SYT7: variants seen among roughly 807,000 people sequenced by gnomAD.
The protein encoded by SYT7 is synaptotagmin-7.
SYT7 carries 29 observed loss-of-function variants against 75.1 expected under a neutral mutation model. The ratio of observed to expected loss-of-function variants is 0.39; its 90% CI spans 0.29 to 0.53. The LOEUF is 0.53. Among genes scored for constraint, SYT7 ranks in the 20% least tolerant of loss-of-function variants. The pLI is 0.77. For synonymous variants in SYT7, 376 were observed against 401.7 expected (o/e 0.94, Z 0.76); for missense variants, 693 against 953.2 (o/e 0.73, Z 3.59).
intron 8 of SYT7, 83 bp from the exon 9 acceptor site, chr11:61,528,268 G>C: frequency 1.3e-6 from 2 of 1,516,018 alleles, no homozygotes; most frequent in South Asian, 1.2e-5. Flanking sequence ...ACGGGTGAGA[G>C]GCCAGAGGCG....
At position 61,524,808 on chromosome 11, in the gene SYT7, T is replaced by C. The variant is rs981781100; in HGVS notation, c.1472-276A>G. 1.8e-5 allele frequency: 6 copies of C among 333,086 alleles called. No individual in the cohort carries two copies. Among genetic ancestry groups the C allele is most frequent in the Middle Eastern group, 8.5e-4 (1 of 1,182 alleles). 20.6% of individuals were successfully genotyped at this position (333,086 alleles called of 1,614,324 possible). On this transcript the variant is annotated intron_variant, in intron 9 of 12. Coordinates refer to ENST00000539008, the MANE Select transcript of SYT7 (RefSeq NM_001365809.2). The surrounding 1 kb of genome is among the most constrained non-coding windows in gnomAD (Gnocchi z 4.1). ...GACGGCTTAAAGTACTTGCCCAGAC[T>C]CCCAGCTAGTAAAGAGTAGAACTGC... is the stretch of plus-strand genomic sequence containing the variant.
At position 61,523,155 on chromosome 11, in the gene SYT7, T is replaced by C. The variant is rs762542794; in HGVS notation, c.1876A>G (p.Thr626Ala). 1 of 1,614,184 alleles carries C rather than the reference T, an allele frequency of 6.2e-7. No homozygotes were observed. The highest frequency in any genetic ancestry group is 1.1e-5 in the South Asian group (1 of 91,080). Residue 626 changes from threonine to alanine, a missense_variant, in exon 12 of 13, where the codon ACG becomes GCG. Around this residue, in one of 2 missense-constraint regions of SYT7, gnomAD observed 206 missense variants for 360.0 expected, o/e 0.57. Coordinates refer to ENST00000539008, the MANE Select transcript of SYT7 (RefSeq NM_001365809.2). This position sits in a 1 kb window ranked among gnomAD's most constrained non-coding sequence, Gnocchi z 5.0. Reference protein sequence around the residue: ...FNESFAFDIPTEKLRETTIII... With the variant: ...FNESFAFDIPAEKLRETTIII... The stretch of plus-strand genomic sequence containing the variant: ...ATGGTCGTCTCCCTCAGCTTCTCCG[T>C]GGGGATATCGAAGGCGAAGGACTCA...
At chr11:61,588,348 A>G in the SYT7 span, 1 of 152,250 alleles carries the variant, frequency 6.6e-6, no homozygotes. Context: ...TAATAGTCAC[A>G]GAAGTCCCGT....
At chr11:61,537,137 CTTGCAGGCCT>C (rs1365323638) in intron 7 of SYT7, among the ~76,000 whole-genome samples, 1 of 152,208 alleles carries the variant, frequency 6.6e-6, no homozygotes, top group Admixed American at 6.5e-5. Flanking sequence ...CCCATGCTCC[CTTGCAGGCCT>C]TTGGTCTGAT....
intron 9 of SYT7, among the ~76,000 whole-genome samples, chr11:61,527,419 C>T (rs760996745): frequency 2.6e-5 from 4 of 152,206 alleles, no homozygotes; most frequent in Non-Finnish European, 4.4e-5. Flanking sequence ...GAGTAAGTGG[C>T]AAGAGCTGGG....
Position 61,518,425 on chromosome 11 carries a change from T to C in SYT7, c.*202A>G, listed in dbSNP as rs1396179844. 1.2e-5 allele frequency: 5 copies of C among 413,572 alleles called. No homozygotes were observed. The highest frequency in any genetic ancestry group is 6.1e-4 in the Middle Eastern group (1 of 1,642). 25.6% of individuals were successfully genotyped at this position (413,572 alleles called of 1,614,324 possible). A position where few individuals can be genotyped will look rare whatever the true frequency, so the allele number is the denominator to read the frequency against. On this transcript the variant is annotated 3_prime_UTR_variant, in exon 13 of 13. Coordinates refer to ENST00000539008, the MANE Select transcript of SYT7 (RefSeq NM_001365809.2). ...GCAGGAAAATGCCTCCCAGAGCCCC[T>C]TCCCCGGAGCTGGACTGTGGGGGAT...
chr11:61,585,185 T>A (rs2064360148), upstream of SYT7, among the ~76,000 whole-genome samples: 1 of 152,246 alleles, frequency 6.6e-6, no homozygotes, highest in Non-Finnish European at 1.5e-5. Context: ...GCAGGGCTCC[T>A]GAGTTCCCCT....
At chr11:61,533,586 G>A (rs2062777162) in intron 7 of SYT7, 2 of 985,274 alleles carry the variant, frequency 2.0e-6, no homozygotes, top group Non-Finnish European at 2.4e-6. Flanking sequence ...CAGAATGTCT[G>A]TTTCCCAGAT....
In SYT7 at chr11:61,540,438, A is replaced by G. The variant is rs112371688; in HGVS notation, c.941+1773T>C. The stretch of plus-strand genomic sequence containing the variant: ...GAGGGTTGTTTTAAAGAAAAAAAGA[A>G]TATGTGATGATCACATGCCTCTTGC... On this transcript the variant is annotated intron_variant, in intron 6 of 12. Coordinates refer to ENST00000539008, the MANE Select transcript of SYT7 (RefSeq NM_001365809.2). 1.4e-4 allele frequency: 119 copies of G among 858,870 alleles called. No individual in the cohort carries two copies. In the African/African-American group the frequency reaches 2.1e-3, roughly 15 times the overall value. 53.2% of individuals were successfully genotyped at this position (858,870 alleles called of 1,614,324 possible).
intron 3 of SYT7, 113 bp from the exon 4 acceptor site, chr11:61,547,421 C>T (rs1379657226): frequency 4.6e-6 from 6 of 1,292,160 alleles, no homozygotes; most frequent in Admixed American, 2.4e-5. Flanking sequence ...ACACAGTGGG[C>T]GGGGCTTCGT....
intron 1 of SYT7, among the ~76,000 whole-genome samples, chr11:61,559,681 G>A (rs1290515939): frequency 6.6e-6 from 1 of 151,992 alleles, no homozygotes; most frequent in Non-Finnish European, 1.5e-5. Flanking sequence ...TCTCCAAAAG[G>A]TCACCTTCCT....
In SYT7 at chr11:61,580,922, G is replaced by T. The variant is rs1361486068; in HGVS notation, c.-102C>A. 4 of 1,049,866 alleles carry T rather than the reference G, an allele frequency of 3.8e-6. No homozygotes were observed. The highest frequency in any genetic ancestry group is 1.7e-5 in the African/African-American group (1 of 58,364). The allele number at this position is 1,049,866 out of a possible 1,614,324, so 65.0% of individuals were successfully genotyped here. On this transcript the variant is annotated 5_prime_UTR_variant, in exon 1 of 13. Transcript: ENST00000539008. This position sits in a 1 kb window ranked among gnomAD's most constrained non-coding sequence, Gnocchi z 6.1. ...GCATGGGGCCGGGCGACCCCCGGGG[G>T]CGGGTCCGAGGGCGGGGGCCGAGCG...
intron 1 of SYT7, among the ~76,000 whole-genome samples, chr11:61,570,820 A>G (rs1435915157): frequency 6.6e-6 from 1 of 152,230 alleles, no homozygotes; most frequent in Non-Finnish European, 1.5e-5. Flanking sequence ...CTTACTGTGT[A>G]ACTTTGGACA....
At chr11:61,556,350 T>C (rs1293102859) in intron 1 of SYT7, 143 bp from the exon 2 acceptor site, 10 of 637,886 alleles carry the variant, frequency 1.6e-5, no homozygotes. Context: ...CTCCCAGTTC[T>C]GCCTTGCTGG....
In SYT7 at chr11:61,542,149, T is replaced by C; in HGVS notation, c.941+62A>G. The C allele has an allele frequency of 6.7e-7, 1 of 1,496,638 alleles. No homozygotes were observed. The allele number at this position is 1,496,638 out of a possible 1,614,324, so 92.7% of individuals were successfully genotyped here. On this transcript the variant is annotated intron_variant, in intron 6 of 12. Transcript: ENST00000539008. This position sits in a 1 kb window ranked among gnomAD's most constrained non-coding sequence, Gnocchi z 7.8. Reference sequence around the variant, plus strand: ...ACACAACCAGCTGCTCCCAAGGAGATCTGGGGGGCAGGAGGCTGGGTCAGG... The same window carrying C: ...ACACAACCAGCTGCTCCCAAGGAGACCTGGGGGGCAGGAGGCTGGGTCAGG...
chr11:61,550,632 G>C (rs1191783635), intron 3 of SYT7, among the ~76,000 whole-genome samples: 1 of 152,156 alleles, frequency 6.6e-6, no homozygotes, highest in Admixed American at 6.5e-5. Context: ...CTGGCCAGTG[G>C]GCACAGAGGC....
rs1350748530 is a variant in SYT7, at chr11:61,514,860, C to G, written c.*3767G>C. Reference sequence around the variant, plus strand: ...CTCATTGTCTTTCCTTTTCCCACCTCAGGGACCAGGAAGGAGGCGCTGGCC... The same window carrying G: ...CTCATTGTCTTTCCTTTTCCCACCTGAGGGACCAGGAAGGAGGCGCTGGCC... On this transcript the variant is annotated 3_prime_UTR_variant, in exon 13 of 13. Transcript: ENST00000539008. Among the ~76,000 whole-genome samples, 1 of 152,240 alleles carries G rather than the reference C, an allele frequency of 6.6e-6. No individual in the cohort carries two copies. The highest frequency in any genetic ancestry group is 2.4e-5 in the African/African-American group (1 of 41,452).
Position 61,546,725 on chromosome 11 carries a change from C to A in SYT7, c.347+452G>T. On this transcript the variant is annotated intron_variant, in intron 4 of 12. Transcript: ENST00000539008. This position sits in a 1 kb window ranked among gnomAD's most constrained non-coding sequence, Gnocchi z 7.6. ...AGCCGTGTTAGTCAGAGTTCATCAC[C>A]ACCACCACCACCATCACCGCCACCA... 1 of 440,798 alleles carries A rather than the reference C, an allele frequency of 2.3e-6. No individual in the cohort carries two copies. The highest frequency in any genetic ancestry group is 1.6e-5 in the South Asian group (1 of 62,206). 27.3% of individuals were successfully genotyped at this position (440,798 alleles called of 1,614,324 possible).
intron 1 of SYT7, among the ~76,000 whole-genome samples, chr11:61,558,505 TACACACAC>T (rs34301756): frequency 4.5e-5 from 6 of 134,652 alleles, no homozygotes; most frequent in East Asian, 2.7e-4. Context: ...CACACACACA[TACACACAC>T]ACACACACAC....
Sources: allele counts gnomAD v4.1 joint callset (sites outside exome capture counted in the v4.1 genomes callset), GRCh38; gene constraint gnomAD v4.1.1; regional missense constraint gnomAD v4.1.1; non-coding constraint Gnocchi (gnomAD v3.1); transcripts MANE v1.5; gene names NCBI Gene and HGNC (gene_info 2026-07-23, HGNC 2026-07-21).